Variants in AFF2 observed in about 807,000 individuals in gnomAD.
AFF2 encodes the protein AF4/FMR2 family member 2.
A neutral mutation model predicts 76.9 loss-of-function variants in AFF2; 14 were observed. The ratio of observed to expected loss-of-function variants is 0.18; its 90% CI spans 0.12 to 0.28. The LOEUF is 0.28. Ranked by LOEUF, AFF2 falls within the 10% of genes least tolerant of loss-of-function variation. The probability of loss-of-function intolerance (pLI) is 1.00; values close to 1 mark genes in which losing one functional copy is unlikely to be tolerated. For missense variants in AFF2, 868 were observed against 1,001.1 expected (o/e 0.87, Z 1.79); for synonymous variants, 398 against 366.7 (o/e 1.09, Z -0.98).
Position 148,966,952 on chromosome X carries a change from A to G in AFF2, c.3076A>G (p.Ile1026Val). 2.5e-6 allele frequency: 3 copies of G among 1,211,005 alleles called. No individual in the cohort carries two copies. The highest frequency in any genetic ancestry group is 3.4e-6 in the Non-Finnish European group (3 of 895,352). Residue 1026 changes from isoleucine to valine, a missense_variant, in exon 14 of 21, where the codon ATC becomes GTC. Transcript: ENST00000370460. ...TTTTTTTIST[I>V]TSTITTGLMD... ...AACTACTACCACTACCATTTCCACC[A>G]TCACCTCTACCATCACTACTGGCCT...
At chrX:148,863,439 T>C (rs1438416962) in intron 7 of AFF2, among the ~76,000 whole-genome samples, 6 of 111,959 alleles carry the variant, frequency 5.4e-5, no homozygotes, top group Non-Finnish European at 1.1e-4. Context: ...TCCATTATCT[T>C]GGTTACCTGC....
intron 8 of AFF2, among the ~76,000 whole-genome samples, chrX:148,890,904 T>C (rs1376463258): frequency 8.9e-6 from 1 of 112,291 alleles, no homozygotes; most frequent in African/African-American, 3.2e-5. Context: ...CAGAACAGTG[T>C]TGGAATTAGA....
chrX:148,663,380 A>C (rs782391435), intron 3 of AFF2, among the ~76,000 whole-genome samples: 1 of 112,073 alleles, frequency 8.9e-6, no homozygotes, highest in African/African-American at 3.2e-5. Context: ...CTTTTATTCT[A>C]CTTTCATCCT....
At chrX:148,661,794 T>C in intron 2 of AFF2, 114 bp from the exon 3 acceptor site, 1 of 804,269 alleles carries the variant, frequency 1.2e-6, no homozygotes, top group Non-Finnish European at 1.8e-6. Context: ...GCAAGACATA[T>C]TTAAAGAATC....
chrX:148,697,213 T>C (rs1267747760), intron 3 of AFF2, among the ~76,000 whole-genome samples: 1 of 112,329 alleles, frequency 8.9e-6, no homozygotes, highest in Non-Finnish European at 1.9e-5. Context: ...AGTCAGTGAG[T>C]CTGTACTCAA....
Position 148,994,125 on chromosome X carries a change from A to C in AFF2, c.*2793A>C, listed in dbSNP as rs1213560528. On this transcript the variant is annotated 3_prime_UTR_variant, in exon 21 of 21. Transcript: ENST00000370460. ...CTTAAATAAGCACGTGGAGGTTAGA[A>C]TAGAGGGCAGAGTAAAAGGAAGCTC... 9.0e-6 allele frequency: 1 copy of C among 111,353 alleles called. No homozygotes were observed. Among genetic ancestry groups the C allele is most frequent in the East Asian group, 2.8e-4 (1 of 3,534 alleles). The allele number at this position is 111,353 out of a possible 1,213,427, so 9.2% of individuals were successfully genotyped here.
chrX:148,504,978 G>C (rs1440761887), intron 1 of AFF2, among the ~76,000 whole-genome samples: 1 of 76,040 alleles, frequency 1.3e-5, no homozygotes, highest in Non-Finnish European at 2.4e-5. Flanking sequence ...GGGCTGTGGT[G>C]GGGTGGGGGG....
chrX:148,615,618 G>A (rs897698584), intron 1 of AFF2, among the ~76,000 whole-genome samples: 2 of 111,609 alleles, frequency 1.8e-5, no homozygotes, highest in Non-Finnish European at 3.8e-5. Flanking sequence ...TGGCTTTGCC[G>A]CCTGTGAATC....
chrX:148,629,835 G>T (rs1395999807), intron 1 of AFF2, among the ~76,000 whole-genome samples: 3 of 111,613 alleles, frequency 2.7e-5, no homozygotes, highest in Non-Finnish European at 5.6e-5. Context: ...GCCAAGTAAA[G>T]CTTGCTTCCC....
At chrX:148,812,717 C>CA (rs782364334) in intron 4 of AFF2, among the ~76,000 whole-genome samples, 5 of 111,128 alleles carry the variant, frequency 4.5e-5, no homozygotes, top group Non-Finnish European at 9.4e-5. Context: ...CCAAATGCAA[C>CA]ACAACCAGCC....
chrX:148,785,572 A>C (rs1463913449), intron 3 of AFF2, among the ~76,000 whole-genome samples: 1 of 111,797 alleles, frequency 8.9e-6, no homozygotes, highest in Non-Finnish European at 1.9e-5. Context: ...GGCTGGTTGC[A>C]TATCTCATGC....
intron 1 of AFF2, 143 bp downstream of exon 1, chrX:148,501,287 C>T: frequency 7.7e-6 from 6 of 776,090 alleles, no homozygotes; most frequent in Admixed American, 5.6e-5. Context: ...CCTCTGGCCC[C>T]GGCCGCGCTG....
chrX:148,550,512 C>T (rs1270388075), intron 1 of AFF2, among the ~76,000 whole-genome samples: 1 of 111,638 alleles, frequency 9.0e-6, no homozygotes, highest in Non-Finnish European at 1.9e-5. Context: ...AAGACACAAG[C>T]ATGTATCAAA....
chrX:148,959,181 C>T (rs2072078926), intron 12 of AFF2, among the ~76,000 whole-genome samples: 1 of 111,281 alleles, frequency 9.0e-6, no homozygotes, highest in Non-Finnish European at 1.9e-5. Context: ...GGCACCTCCT[C>T]ACTCAAACAG....
chrX:148,579,719 T>C (rs1159569346), intron 1 of AFF2, among the ~76,000 whole-genome samples: 1 of 111,872 alleles, frequency 8.9e-6, no homozygotes, highest in African/African-American at 3.3e-5. Context: ...GGAAACCAAG[T>C]AAAAAGTTTG....
At chrX:148,516,072 A>T (rs781866921) in intron 1 of AFF2, among the ~76,000 whole-genome samples, 1 of 111,695 alleles carries the variant, frequency 9.0e-6, no homozygotes, top group East Asian at 2.8e-4. Context: ...GAGACCACAC[A>T]AAATAGTCTA....
chrX:148,994,157 A>C lies in AFF2; in HGVS notation c.*2825A>C, dbSNP rs2072566162. ...GCAGAGTAAAAGGAAGCTCCATCTG[A>C]GCAAGTACACCAAATGATCTCAGCC... On this transcript the variant is annotated 3_prime_UTR_variant, in exon 21 of 21. Transcript: ENST00000370460. The C allele has an allele frequency of 8.9e-6, 1 of 111,740 alleles. No homozygotes were observed. Among genetic ancestry groups the C allele is most frequent in the Non-Finnish European group, 1.9e-5 (1 of 53,130 alleles). 9.2% of individuals were successfully genotyped at this position (111,740 alleles called of 1,213,427 possible).
chrX:148,971,747 C>A (rs868914807), intron 15 of AFF2, among the ~76,000 whole-genome samples: 14 of 44,708 alleles, frequency 3.1e-4, no homozygotes, highest in Non-Finnish European at 5.3e-4. Context: ...TTTTCTATTT[C>A]TTTTTTTTTT....
intron 3 of AFF2, among the ~76,000 whole-genome samples, chrX:148,786,854 A>G (rs1158153252): frequency 9.0e-6 from 1 of 111,619 alleles, no homozygotes; most frequent in East Asian, 2.8e-4. Flanking sequence ...TTGAAGAAGC[A>G]ATGGGCCTGA....
Sources: gnomAD v4.1 joint callset for allele counts (sites outside exome capture counted in the v4.1 genomes callset) on GRCh38, gnomAD v4.1.1 for gene constraint, MANE v1.5 for transcripts, NCBI Gene and HGNC (gene_info 2026-07-23, HGNC 2026-07-21) for gene names.